PTPRG: variants seen among roughly 807,000 people sequenced by gnomAD.
PTPRG encodes the protein receptor-type tyrosine-protein phosphatase gamma.
PTPRG carries 102 observed loss-of-function variants against 165.3 expected under a neutral mutation model. That is an observed-to-expected ratio of 0.62 (90% CI 0.53 to 0.73). The LOEUF is 0.73. PTPRG is among the 30% of genes least tolerant of loss of function. PTPRG has a pLI of 0.00. For synonymous variants in PTPRG, 675 were observed against 669.5 expected (o/e 1.01, Z -0.13); for missense variants, 1,866 against 1,861.4 (o/e 1.00, Z -0.05).
chr3:62,234,943 C>CA (rs557108937), intron 14 of PTPRG, among the ~76,000 whole-genome samples: 294 of 150,988 alleles, frequency 1.9e-3, no homozygotes, highest in Non-Finnish European at 2.4e-3. Context: ...ACTTCCCCCC[C>CA]CCGAGATGGT....
chr3:62,167,757 C>G (rs1319287286), intron 7 of PTPRG, among the ~76,000 whole-genome samples: 3 of 152,134 alleles, frequency 2.0e-5, no homozygotes, highest in African/African-American at 7.2e-5. Context: ...GGTTAGTTGG[C>G]AGGACAGAAA....
At chr3:61,944,909 G>T (rs2039719048) in intron 2 of PTPRG, among the ~76,000 whole-genome samples, 1 of 152,128 alleles carries the variant, frequency 6.6e-6, no homozygotes, top group Admixed American at 6.5e-5. Context: ...AATTCCCCGT[G>T]GCATTAGAGG....
intron 1 of PTPRG, among the ~76,000 whole-genome samples, chr3:61,568,701 A>G (rs1218914043): frequency 6.6e-6 from 1 of 151,988 alleles, no homozygotes; most frequent in Non-Finnish European, 1.5e-5. Context: ...TGAGGTCAAG[A>G]GATTGAGACC....
At chr3:61,961,334 A>AC (rs2040147730) in intron 2 of PTPRG, among the ~76,000 whole-genome samples, 1 of 152,164 alleles carries the variant, frequency 6.6e-6, no homozygotes, top group African/African-American at 2.4e-5. Flanking sequence ...AGTATTAGGG[A>AC]CAGGTGTGTA....
At chr3:61,956,540 C>G (rs1488552829) in intron 2 of PTPRG, among the ~76,000 whole-genome samples, 5 of 152,126 alleles carry the variant, frequency 3.3e-5, no homozygotes, top group Admixed American at 2.6e-4. Context: ...CAATCATTTA[C>G]TAATCTGTAT....
chr3:61,632,566 C>T (rs1442311159), intron 1 of PTPRG, among the ~76,000 whole-genome samples: 1 of 152,098 alleles, frequency 6.6e-6, no homozygotes, highest in Non-Finnish European at 1.5e-5. Context: ...GGTGGCATGG[C>T]CATAGACACA....
chr3:61,996,851 C>T (rs1163369104), intron 3 of PTPRG, among the ~76,000 whole-genome samples: 1 of 152,136 alleles, frequency 6.6e-6, no homozygotes, highest in Admixed American at 6.5e-5. Context: ...ACTCTGCAAG[C>T]TGTGTTTCCT....
chr3:62,080,986 G>C (rs191366527), intron 5 of PTPRG, among the ~76,000 whole-genome samples: 2 of 152,038 alleles, frequency 1.3e-5, no homozygotes, highest in Admixed American at 6.5e-5. Flanking sequence ...GGCCGGGCGC[G>C]GTGGCTCACA....
At chr3:61,568,163 A>G (rs1383933446) in intron 1 of PTPRG, among the ~76,000 whole-genome samples, 1 of 152,198 alleles carries the variant, frequency 6.6e-6, no homozygotes, top group African/African-American at 2.4e-5. Flanking sequence ...GTAACCAACA[A>G]AATCAATAAA....
At chr3:62,197,785 T>C (rs1700003329) in intron 10 of PTPRG, among the ~76,000 whole-genome samples, 1 of 152,334 alleles carries the variant, frequency 6.6e-6, no homozygotes, top group East Asian at 1.9e-4. Context: ...TAATATAATG[T>C]AATTCAAAAA....
chr3:61,636,476 A>G (rs7648793), intron 1 of PTPRG, among the ~76,000 whole-genome samples: 53,243 of 151,936 alleles, frequency 0.35, 9,624 homozygotes, highest in African/African-American at 0.44. Flanking sequence ...ATCTTGTTGT[A>G]TCAGTACTTT....
chr3:61,636,650 T>G (rs910329763), intron 1 of PTPRG, among the ~76,000 whole-genome samples: 3 of 152,272 alleles, frequency 2.0e-5, no homozygotes, highest in Non-Finnish European at 4.4e-5. Flanking sequence ...ATTTATTTTA[T>G]GGACAAATAA....
intron 14 of PTPRG, among the ~76,000 whole-genome samples, chr3:62,239,360 C>CTTTTTTTTTTTT (rs776921598): frequency 3.7e-4 from 46 of 124,492 alleles, no homozygotes; most frequent in African/African-American, 4.3e-4. Flanking sequence ...TTTTTTCTTT[C>CTTTTTTTTTTTT]TTTTTTTTTT....
Position 62,047,246 on chromosome 3 carries a change from A to ATTATTTATTTATTTATTTATTTATTTAT in PTPRG, c.520-30891_520-30890insATTTATTTATTTATTTATTTATTTATTT, listed in dbSNP as rs10523312. Among the ~76,000 whole-genome samples, 17 of 63,032 alleles carry ATTATTTATTTATTTATTTATTTATTTAT rather than the reference A, an allele frequency of 2.7e-4. No individual in the cohort carries two copies. In the East Asian group the frequency reaches 2.8e-3, roughly 10 times the overall value. 41.4% of individuals were successfully genotyped at this position (63,032 alleles called of 152,430 possible). A position where few individuals can be genotyped will look rare whatever the true frequency, so the allele number is the denominator to read the frequency against. On this transcript the variant is annotated intron_variant, in intron 4 of 29. Coordinates refer to ENST00000474889, the MANE Select transcript of PTPRG (RefSeq NM_002841.4). Reference sequence around the variant, plus strand: ...CTTTGTTTCACTTGCTGAGCTTCCTATTATTTATTTATTTATTTATTTATT... The same window carrying ATTATTTATTTATTTATTTATTTATTTAT: ...CTTTGTTTCACTTGCTGAGCTTCCTATTATTTATTTATTTATTTATTTATTTATTTATTTATTTATTTATTTATTTATT...
intron 1 of PTPRG, among the ~76,000 whole-genome samples, chr3:61,632,362 A>G (rs1253799752): frequency 6.6e-6 from 1 of 152,174 alleles, no homozygotes; most frequent in Admixed American, 6.5e-5. Flanking sequence ...AGGAAGTTAT[A>G]AGGCACATAG....
Position 62,189,751 on chromosome 3 carries a change from C to T in PTPRG, c.1034-1718C>T, listed in dbSNP as rs551657844. 2.9e-4 allele frequency among the ~76,000 whole-genome samples: 44 copies of T among 152,282 alleles called. No individual in the cohort carries two copies. In the Middle Eastern group the frequency reaches 0.01, roughly 35 times the overall value. On this transcript the variant is annotated intron_variant, in intron 8 of 29. Transcript: ENST00000474889. ...TACACTCAGCTGAAGTTCAGGGGAT[C>T]TTTGTAAAGCACCAACCTGATTGCA...
chr3:61,745,497 G>T (rs182858357), intron 1 of PTPRG, among the ~76,000 whole-genome samples: 7 of 152,176 alleles, frequency 4.6e-5, no homozygotes, highest in Non-Finnish European at 8.8e-5. Context: ...TTAGAAGCCA[G>T]TTTTCCTGCC....
At chr3:61,981,524 A>G (rs1393412242) in intron 2 of PTPRG, among the ~76,000 whole-genome samples, 1 of 152,210 alleles carries the variant, frequency 6.6e-6, no homozygotes, top group African/African-American at 2.4e-5. Flanking sequence ...CCTAGAGGAA[A>G]GTATGGATAA....
intron 2 of PTPRG, among the ~76,000 whole-genome samples, chr3:61,957,576 C>A (rs181376300): frequency 6.6e-6 from 1 of 152,172 alleles, no homozygotes; most frequent in Non-Finnish European, 1.5e-5. Context: ...TTCCTAACCA[C>A]GGGAACAATT....
Sources: gnomAD v4.1 joint callset for allele counts (sites outside exome capture counted in the v4.1 genomes callset) on GRCh38, gnomAD v4.1.1 for gene constraint, MANE v1.5 for transcripts, NCBI Gene and HGNC (gene_info 2026-07-23, HGNC 2026-07-21) for gene names.